SUSD3: variants seen among roughly 807,000 people sequenced by gnomAD.
SUSD3 encodes the protein sushi domain containing 3, also known as sushi domain-containing protein 3.
In SUSD3, 18 loss-of-function variants were observed where a neutral mutation model predicts 20.6. The observed-to-expected ratio is 0.87, with a 90% CI of 0.60 to 1.30. SUSD3 has a LOEUF of 1.30. Among genes scored for constraint, SUSD3 ranks in the 50% most tolerant of loss-of-function variants. SUSD3 has a pLI of 0.00. For synonymous variants in SUSD3, 137 were observed against 141.5 expected (o/e 0.97, Z 0.23); for missense variants, 306 against 346.9 (o/e 0.88, Z 0.94).
chr9:93,083,320 A>G (rs1448231770), intron 4 of SUSD3, among the ~76,000 whole-genome samples: 1 of 152,060 alleles, frequency 6.6e-6, no homozygotes, highest in Non-Finnish European at 1.5e-5. Flanking sequence ...TACAAAGCCG[A>G]TGGAGGCAGA....
chr9:93,068,975 CAATAT>C, intron 1 of SUSD3: 1 of 556,020 alleles, frequency 1.8e-6, no homozygotes, highest in South Asian at 2.5e-5. Flanking sequence ...CCAATTATAA[CAATAT>C]ATTATAATAA....
At chr9:93,065,544 G>T (rs80341177) in intron 1 of SUSD3, among the ~76,000 whole-genome samples, 3,956 of 152,322 alleles carry the variant, frequency 0.026, 92 homozygotes, top group East Asian at 0.1. Flanking sequence ...TGCAGAAGTC[G>T]CAGCTCTAAA....
chr9:93,072,552 C>G (rs1252082073), intron 1 of SUSD3, among the ~76,000 whole-genome samples: 1 of 152,196 alleles, frequency 6.6e-6, no homozygotes, highest in Non-Finnish European at 1.5e-5. Context: ...GCACACATGG[C>G]TGGGGCAAGG....
chr9:93,059,607 G>A (rs1825429391), intron 1 of SUSD3, among the ~76,000 whole-genome samples: 1 of 152,014 alleles, frequency 6.6e-6, no homozygotes, highest in Admixed American at 6.6e-5. Flanking sequence ...TTACTTCCGC[G>A]GCCACTGCCC....
At chr9:93,075,620 T>A (rs1317237434) in intron 1 of SUSD3, among the ~76,000 whole-genome samples, 164 bp from the exon 2 acceptor site, 2 of 151,724 alleles carry the variant, frequency 1.3e-5, no homozygotes, top group African/African-American at 4.9e-5. Flanking sequence ...CCGGTCTGGA[T>A]GACCCCATGT....
chr9:93,080,565 T>C (rs1245444768), intron 4 of SUSD3, among the ~76,000 whole-genome samples: 1 of 152,192 alleles, frequency 6.6e-6, no homozygotes, highest in African/African-American at 2.4e-5. Flanking sequence ...CGGCTCTGCA[T>C]TTCTGGTGCA....
chr9:93,079,627 C>A, intron 4 of SUSD3, 25 bp downstream of exon 4: 2 of 1,611,412 alleles, frequency 1.2e-6, no homozygotes, highest in South Asian at 1.1e-5. Flanking sequence ...GGGTAGGGGA[C>A]ATGCTGGGGG....
intron 1 of SUSD3, among the ~76,000 whole-genome samples, chr9:93,074,668 G>C (rs928129263): frequency 2.9e-5 from 4 of 138,864 alleles, no homozygotes. Flanking sequence ...TTGCCAGGCT[G>C]GAGTGCAGTG....
intron 1 of SUSD3, among the ~76,000 whole-genome samples, chr9:93,063,803 CCTT>C (rs1384539604): frequency 1.2e-4 from 19 of 152,220 alleles, no homozygotes; most frequent in Admixed American, 1.2e-3. Context: ...GGCATGAGAC[CCTT>C]CTTCTGGTCA....
Position 93,058,808 on chromosome 9 carries a change from G to T in SUSD3, c.66G>T (p.Thr22=). The change falls in exon 1 of 5, where the codon ACG becomes ACT. Residue 22 remains threonine (T), a synonymous_variant. Coordinates refer to ENST00000375472, the MANE Select transcript of SUSD3 (RefSeq NM_145006.4). Reference sequence around the variant, plus strand: ...CCCGGGGGCGGGCCGGGGTCACCACGCCTGCCCCAGGGAACCGCACAGGTG... The same window carrying T: ...CCCGGGGGCGGGCCGGGGTCACCACTCCTGCCCCAGGGAACCGCACAGGTG... ...ARPRGRAGVT[T]PAPGNRTGTC... 3 of 1,255,500 alleles carry T rather than the reference G, an allele frequency of 2.4e-6. No individual in the cohort carries two copies. The highest frequency in any genetic ancestry group is 3.0e-6 in the Non-Finnish European group (3 of 999,690). 77.8% of individuals were successfully genotyped at this position (1,255,500 alleles called of 1,614,324 possible).
At chr9:93,076,072 C>G in intron 2 of SUSD3, 100 bp downstream of exon 2, 1 of 1,050,948 alleles carries the variant, frequency 9.5e-7, no homozygotes, top group African/African-American at 1.6e-5. Context: ...GGTGTCTACT[C>G]ACAAGCAGCT....
chr9:93,061,122 C>T (rs372660892), intron 1 of SUSD3, among the ~76,000 whole-genome samples: 2 of 152,254 alleles, frequency 1.3e-5, no homozygotes, highest in African/African-American at 2.4e-5. Context: ...ACTCCCTGAT[C>T]TGGGAGATTG....
At chr9:93,069,026 T>C in intron 1 of SUSD3, 2 of 675,588 alleles carry the variant, frequency 3.0e-6, no homozygotes, top group Non-Finnish European at 5.4e-6. Flanking sequence ...TCTCTAAATA[T>C]CTTAATAGAC....
intron 3 of SUSD3, 54 bp downstream of exon 3, chr9:93,078,047 T>C (rs1564193803): frequency 1.2e-6 from 2 of 1,611,334 alleles, no homozygotes; most frequent in Non-Finnish European, 1.7e-6. Context: ...CTTGGCACCA[T>C]GGGAGGAGGA....
At chr9:93,068,356 T>TACCA (rs1389367285) in intron 1 of SUSD3, among the ~76,000 whole-genome samples, 33 of 152,248 alleles carry the variant, frequency 2.2e-4, no homozygotes, top group Non-Finnish European at 4.3e-4. Context: ...TTGATTCATG[T>TACCA]TAATTTTAGC....
In SUSD3 at chr9:93,075,982, CCTCT is replaced by C. The variant is rs1564192245; in HGVS notation, c.277+14_277+17del. The C allele has an allele frequency of 6.3e-7, 1 of 1,575,788 alleles. No homozygotes were observed. Among genetic ancestry groups the C allele is most frequent in the Non-Finnish European group, 8.7e-7 (1 of 1,155,022 alleles). On this transcript the variant is annotated intron_variant, in intron 2 of 4. Coordinates refer to ENST00000375472, the MANE Select transcript of SUSD3 (RefSeq NM_145006.4). ...TCCCCAGTGTGCAAACGTAAGGACC[CCTCT>C]CTCAGCTCGGTGGCTCTGGGGGTGG...
chr9:93,073,558 C>A (rs1460280910), intron 1 of SUSD3, among the ~76,000 whole-genome samples: 3 of 152,140 alleles, frequency 2.0e-5, no homozygotes, highest in African/African-American at 7.2e-5. Context: ...TGTCCCTGTT[C>A]TTTACCTGTG....
intron 2 of SUSD3, among the ~76,000 whole-genome samples, chr9:93,076,913 G>T (rs965366865): frequency 1.4e-4 from 22 of 152,244 alleles, no homozygotes; most frequent in African/African-American, 5.3e-4. Flanking sequence ...GGGCCCTGGG[G>T]CCAAAGAGCA....
At chr9:93,078,142 C>A (rs73651359) in intron 3 of SUSD3, 149 bp downstream of exon 3, 415 of 1,129,842 alleles carry the variant, frequency 3.7e-4, no homozygotes, top group Non-Finnish European at 4.5e-4. Flanking sequence ...GCGTCTCCCC[C>A]CCAAGTGCTG....
Sources: gnomAD v4.1 joint callset for allele counts (sites outside exome capture counted in the v4.1 genomes callset) on GRCh38, gnomAD v4.1.1 for gene constraint, MANE v1.5 for transcripts, NCBI Gene and HGNC (gene_info 2026-07-23, HGNC 2026-07-21) for gene names.